NSD2: variants seen among roughly 807,000 people sequenced by gnomAD.
The protein encoded by NSD2 is nuclear receptor binding SET domain protein 2.
Under a neutral mutation model 139.0 loss-of-function variants are expected in NSD2, and 12 were observed. That is an observed-to-expected ratio of 0.09 (90% confidence interval 0.06 to 0.14). NSD2 has a LOEUF of 0.14. Among genes scored for constraint, NSD2 ranks in the 10% least tolerant of loss-of-function variants. The pLI, the probability that NSD2 is intolerant of heterozygous loss-of-function variation, is 1.00. For missense variants in NSD2, 1,155 were observed against 1,745.0 expected (o/e 0.66, Z 6.02); for synonymous variants, 669 against 648.7 (o/e 1.03, Z -0.48).
At position 1,918,577 on chromosome 4, in the gene NSD2, A is replaced by G. The variant is rs551480723; in HGVS notation, c.1364A>G (p.Asp455Gly). Residue 455 changes from aspartate to glycine, a missense_variant, in exon 5 of 22, where the codon GAT (aspartate) becomes GGT (glycine). Around this residue, in one of 8 missense-constraint regions of NSD2, gnomAD observed 420 missense variants for 469.0 expected, o/e 0.90. Transcript: ENST00000508803. ...TVSMPRSRKG[D>G]AASQFLVFCQ... ...TCCATGCCACGAAGCAGGAAGGGAGATGCAGCATCCCAGTTTTTGGTCTTC... is the reference window on the plus strand; with the variant it reads ...TCCATGCCACGAAGCAGGAAGGGAGGTGCAGCATCCCAGTTTTTGGTCTTC... The G allele has an allele frequency of 3.5e-5, 57 of 1,613,970 alleles. No homozygotes were observed. The highest frequency in any genetic ancestry group is 4.7e-5 in the Non-Finnish European group (55 of 1,180,004).
At position 1,978,678 on chromosome 4, in the gene NSD2, C is replaced by T. The variant is rs1247631455; in HGVS notation, c.3867C>T (p.Gly1289=). The T allele has an allele frequency of 3.1e-6, 5 of 1,613,722 alleles. No individual in the cohort carries two copies. Among genetic ancestry groups the T allele is most frequent in the Non-Finnish European group, 4.2e-6 (5 of 1,179,656 alleles). ...CTTGGCATCATTGTGACGTGTGTGGCAAACCTTCGACTTCATTTTGCCACC... is the reference window on the plus strand; with the variant it reads ...CTTGGCATCATTGTGACGTGTGTGGTAAACCTTCGACTTCATTTTGCCACC... ...ECPWHHCDVC[G]KPSTSFCHLC... is the part of the protein sequence containing the mutation. The change falls in exon 22 of 22, where the codon GGC becomes GGT. Residue 1289 remains glycine, a synonymous_variant. Transcript: ENST00000508803.
In NSD2 at chr4:1,945,041, T is replaced by C. The variant is rs146383153; in HGVS notation, c.1881+5263T>C. The C allele has an allele frequency of 1.4e-5, 15 of 1,066,056 alleles. No homozygotes were observed. In the East Asian group the frequency reaches 7.5e-4, roughly 53 times the overall value. The allele number at this position is 1,066,056 out of a possible 1,614,324, so 66.0% of individuals were successfully genotyped here. A position where few individuals can be genotyped will look rare whatever the true frequency, so the allele number is the denominator to read the frequency against. ...GACTGTGTGTGATGTGCAGAGTCCT[T>C]GGACAGGAGTCGGGGGCTCCTCTGT... On this transcript the variant is annotated intron_variant, in intron 9 of 21. Coordinates refer to ENST00000508803, the MANE Select transcript of NSD2 (RefSeq NM_001042424.3).
At position 1,978,816 on chromosome 4, in the gene NSD2, C is replaced by T. The variant is rs934528153; in HGVS notation, c.4005C>T (p.Ser1335=). The change falls in exon 22 of 22, where the codon AGC becomes AGT. Residue 1335 remains serine (S), a synonymous_variant. Transcript: ENST00000508803. ...ACTTAGGGGCGGCATCGGTCAGAAG[C>T]ACCAAGACTGAGAAGCCCCCCCCAG... is the stretch of plus-strand genomic sequence containing the variant. The part of the protein sequence containing the change: ...EHDLGAASVR[S]TKTEKPPPEP... 4 of 1,609,394 alleles carry T rather than the reference C, an allele frequency of 2.5e-6. No homozygotes were observed. In the South Asian group the frequency reaches 3.3e-5, roughly 13 times the overall value.
chr4:1,944,835 C>T, intron 9 of NSD2: 2 of 1,063,206 alleles, frequency 1.9e-6, no homozygotes, highest in Middle Eastern at 4.2e-4. Context: ...CTTTTTTCAG[C>T]ATACTGACTC....
chr4:1,959,829 C>T (rs1302612933), intron 17 of NSD2, 89 bp downstream of exon 17: 1 of 1,531,014 alleles, frequency 6.5e-7, no homozygotes, highest in Non-Finnish European at 8.8e-7. Flanking sequence ...GTTTTGTAGT[C>T]ATGTGAGAAT....
chr4:1,898,924 C>T (rs903665698), intron 1 of NSD2, among the ~76,000 whole-genome samples: 1 of 152,142 alleles, frequency 6.6e-6, no homozygotes, highest in Non-Finnish European at 1.5e-5. Flanking sequence ...CCCTTTCTTT[C>T]AACAGTTGGT....
intron 5 of NSD2, among the ~76,000 whole-genome samples, chr4:1,922,478 C>T (rs1720280549): frequency 1.3e-5 from 2 of 152,204 alleles, no homozygotes; most frequent in South Asian, 4.1e-4. Context: ...GTTGTCAATT[C>T]TCCCTTTAAT....
chr4:1,903,864 A>T (rs1204312837), intron 2 of NSD2, among the ~76,000 whole-genome samples: 1 of 151,350 alleles, frequency 6.6e-6, no homozygotes, highest in Non-Finnish European at 1.5e-5. Flanking sequence ...CTTCCTGAGT[A>T]GCTGGGATTA....
chr4:1,896,775 T>C (rs190120782), intron 1 of NSD2, among the ~76,000 whole-genome samples: 3 of 152,096 alleles, frequency 2.0e-5, no homozygotes, highest in Non-Finnish European at 2.9e-5. Flanking sequence ...TCTTCTCTTT[T>C]TTTTCTTTTC....
Position 1,938,447 on chromosome 4 carries a change from A to AAAT in NSD2, c.1675-4_1675-3insAAT. 7.5e-7 allele frequency: 1 copy of AAAT among 1,327,168 alleles called. No homozygotes were observed. Among genetic ancestry groups the AAAT allele is most frequent in the Non-Finnish European group, 1.0e-6 (1 of 999,066 alleles). The allele number at this position is 1,327,168 out of a possible 1,614,324, so 82.2% of individuals were successfully genotyped here. A position where few individuals can be genotyped will look rare whatever the true frequency, so the allele number is the denominator to read the frequency against. ...TTTTTTTTTTTTTTTTTTTTAAATA[A>AAAT]TAGAGAGACACAATCACTGACAAAA... is the stretch of plus-strand genomic sequence containing the variant. On this transcript the variant is annotated splice_region_variant and splice_polypyrimidine_tract_variant and intron_variant, in intron 7 of 21. Transcript: ENST00000508803.
chr4:1,977,844 G>T (rs1275103833), intron 21 of NSD2, among the ~76,000 whole-genome samples: 1 of 149,734 alleles, frequency 6.7e-6, no homozygotes. Context: ...AGAAAATCCA[G>T]GCCAGGCACG....
At chr4:1,924,212 A>G (rs191185272) in intron 5 of NSD2, among the ~76,000 whole-genome samples, 9 of 152,292 alleles carry the variant, frequency 5.9e-5, no homozygotes, top group Admixed American at 2.0e-4. Context: ...GTAATCAGCA[A>G]TGTGTGTACA....
At chr4:1,964,747 CT>C (rs1725712818) in intron 18 of NSD2, among the ~76,000 whole-genome samples, 1 of 152,060 alleles carries the variant, frequency 6.6e-6, no homozygotes, top group Non-Finnish European at 1.5e-5. Flanking sequence ...TCATTTTTCT[CT>C]TTTTCCCCTT....
chr4:1,978,573 C>T (rs1727379652), intron 21 of NSD2, 65 bp from the exon 22 acceptor site: 1 of 1,543,578 alleles, frequency 6.5e-7, no homozygotes, highest in African/African-American at 1.4e-5. Flanking sequence ...TCATCTTCAA[C>T]CACGATAATG....
rs1724722840 is a variant in NSD2, at chr4:1,955,525, A to G, written c.2519-168A>G. ...TAATCATTTCGCAAACATACAGGAA[A>G]TTATTTGTGGTGAAAATGACATTTG... On this transcript the variant is annotated intron_variant, in intron 13 of 21. Coordinates refer to ENST00000508803, the MANE Select transcript of NSD2 (RefSeq NM_001042424.3). The surrounding 1 kb of genome is among the most constrained non-coding windows in gnomAD (Gnocchi z 4.7). 1 of 1,231,094 alleles carries G rather than the reference A, an allele frequency of 8.1e-7. No individual in the cohort carries two copies. The highest frequency in any genetic ancestry group is 1.1e-6 in the Non-Finnish European group (1 of 913,626). 76.3% of individuals were successfully genotyped at this position (1,231,094 alleles called of 1,614,324 possible).
At chr4:1,939,838 C>A in intron 9 of NSD2, 60 bp downstream of exon 9, 1 of 1,611,906 alleles carries the variant, frequency 6.2e-7, no homozygotes, top group Non-Finnish European at 8.5e-7. Flanking sequence ...TAGCTGCCCA[C>A]GCTGCAGTGT....
chr4:1,927,719 G>GAAAA lies in NSD2; in HGVS notation c.1411-2880_1411-2877dup, dbSNP rs1177170379. Among the ~76,000 whole-genome samples the GAAAA allele has an allele frequency of 5.8e-4, 11 of 18,910 alleles. 2 individuals carry two copies. In the East Asian group the frequency reaches 0.01, roughly 18 times the overall value. 12.4% of individuals were successfully genotyped at this position (18,910 alleles called of 152,430 possible). A position where few individuals can be genotyped will look rare whatever the true frequency, so the allele number is the denominator to read the frequency against. Reference sequence around the variant, plus strand: ...GGGCCACAATGAGACTCTTATCTCAGAAAAAAAAAAAAAAAAAAAAAAAAA... The same window carrying GAAAA: ...GGGCCACAATGAGACTCTTATCTCAGAAAAAAAAAAAAAAAAAAAAAAAAAAAAA... On this transcript the variant is annotated intron_variant, in intron 5 of 21. Coordinates refer to ENST00000508803, the MANE Select transcript of NSD2 (RefSeq NM_001042424.3).
At chr4:1,922,665 C>T (rs1025308256) in intron 5 of NSD2, among the ~76,000 whole-genome samples, 3 of 152,196 alleles carry the variant, frequency 2.0e-5, no homozygotes, top group African/African-American at 7.2e-5. Context: ...GTGGCTTACG[C>T]CTGTAATCCC....
intron 8 of NSD2, among the ~76,000 whole-genome samples, chr4:1,938,902 C>A (rs1448243473): frequency 6.6e-6 from 1 of 152,082 alleles, no homozygotes; most frequent in East Asian, 1.9e-4. Flanking sequence ...GTACCCTGAC[C>A]CTCTGCATGT....
Sources: gnomAD v4.1 joint callset for allele counts (sites outside exome capture counted in the v4.1 genomes callset) on GRCh38, gnomAD v4.1.1 for gene constraint, gnomAD v4.1.1 regional missense constraint, Gnocchi (gnomAD v3.1) non-coding constraint, MANE v1.5 for transcripts, NCBI Gene and HGNC (gene_info 2026-07-23, HGNC 2026-07-21) for gene names.